The following RANBP17 variants were observed in gnomAD, a reference collection of about 807,000 sequenced individuals.
RANBP17 encodes the protein ran-binding protein 17.
A neutral mutation model predicts 141.2 loss-of-function variants in RANBP17; 158 were observed. The ratio of observed to expected loss-of-function variants is 1.12; its 90% confidence interval spans 0.98 to 1.28. The LOEUF (loss-of-function observed/expected upper bound fraction) is 1.28, where lower values mean the gene tolerates loss of function less well. RANBP17 is among the 50% of genes most tolerant of loss of function. The pLI, the probability that RANBP17 is intolerant of heterozygous loss-of-function variation, is 0.00. For missense variants in RANBP17, 1,438 were observed against 1,290.7 expected, an observed-to-expected ratio of 1.11 and a Z score of -1.75; for synonymous variants, 430 against 450.0, an observed-to-expected ratio of 0.96 and a Z score of 0.56.
chr5:170,874,895 G>A (rs1018323631), intron 1 of RANBP17, among the ~76,000 whole-genome samples: 6 of 152,146 alleles, frequency 3.9e-5, no homozygotes, highest in Non-Finnish European at 8.8e-5. Context: ...TATTTTGCCC[G>A]TTAGTTGATG....
chr5:170,911,962 G>A (rs889428161), intron 7 of RANBP17, among the ~76,000 whole-genome samples: 1 of 151,866 alleles, frequency 6.6e-6, no homozygotes, highest in African/African-American at 2.4e-5. Flanking sequence ...TCTACCACCT[G>A]TGCAGCTAGG....
intron 25 of RANBP17, among the ~76,000 whole-genome samples, chr5:171,283,330 G>A (rs950908897): frequency 6.6e-6 from 1 of 152,198 alleles, no homozygotes; most frequent in Non-Finnish European, 1.5e-5. Context: ...GTTTGACACA[G>A]AGCCTTGCCC....
intron 14 of RANBP17, among the ~76,000 whole-genome samples, chr5:171,120,068 G>A (rs947312890): frequency 6.6e-6 from 1 of 151,332 alleles, no homozygotes; most frequent in African/African-American, 2.4e-5. Flanking sequence ...TGAGAGAGAG[G>A]TACCACCTTG....
At chr5:171,251,541 GA>G (rs75734200) in intron 24 of RANBP17, among the ~76,000 whole-genome samples, 5,609 of 120,848 alleles carry the variant, frequency 0.046, 291 homozygotes, top group African/African-American at 0.13. Flanking sequence ...AATTATAGTG[GA>G]AAAAAAAAAA....
intron 14 of RANBP17, among the ~76,000 whole-genome samples, chr5:171,076,100 A>G (rs2127700710): frequency 6.6e-6 from 1 of 152,346 alleles, no homozygotes; most frequent in Middle Eastern, 3.4e-3. Flanking sequence ...ACTGCTTGTA[A>G]TGACAAAATA....
chr5:171,076,657 G>A (rs545578278), intron 14 of RANBP17, among the ~76,000 whole-genome samples: 19 of 152,276 alleles, frequency 1.2e-4, no homozygotes, highest in Middle Eastern at 6.8e-3. Flanking sequence ...AGGATAAGCT[G>A]AATCCAACTT....
chr5:171,103,990 A>G (rs1787369425), intron 14 of RANBP17, among the ~76,000 whole-genome samples: 2 of 152,148 alleles, frequency 1.3e-5, no homozygotes, highest in African/African-American at 2.4e-5. Flanking sequence ...AAATGCAGAA[A>G]TCACCTGCAT....
In RANBP17 at chr5:170,909,577, CCTT is replaced by C. The variant is rs1292008879; in HGVS notation, c.490-83_490-81del. ...ACTTGGGTTCTACTCAAGTTTATTT[CCTT>C]TTTTTTTTTTTTTTTTTTAGTAAAT... On this transcript the variant is annotated intron_variant, in intron 5 of 27. Coordinates refer to ENST00000523189, the MANE Select transcript of RANBP17 (RefSeq NM_022897.5). The C allele has an allele frequency of 2.4e-5, 13 of 550,826 alleles. No individual in the cohort carries two copies. In the African/African-American group the frequency reaches 3.5e-4, roughly 15 times the overall value. The allele number at this position is 550,826 out of a possible 1,614,324, so 34.1% of individuals were successfully genotyped here.
At chr5:171,129,968 A>G (rs1192112767) in intron 14 of RANBP17, among the ~76,000 whole-genome samples, 1 of 152,230 alleles carries the variant, frequency 6.6e-6, no homozygotes, top group Non-Finnish European at 1.5e-5. Flanking sequence ...TAATTTGTGC[A>G]ACGTGAGAAA....
chr5:171,179,148 G>T (rs576029388), intron 16 of RANBP17, among the ~76,000 whole-genome samples: 1 of 151,298 alleles, frequency 6.6e-6, no homozygotes, highest in South Asian at 2.1e-4. Context: ...GGGTTTTTAT[G>T]GTTTTAGGTC....
chr5:170,954,535 C>T (rs964560785), intron 13 of RANBP17, among the ~76,000 whole-genome samples: 17 of 151,410 alleles, frequency 1.1e-4, no homozygotes, highest in African/African-American at 4.1e-4. Context: ...CACACACACA[C>T]ACACACACAC....
chr5:170,953,544 G>C (rs1775367336), intron 12 of RANBP17, 53 bp from the exon 13 acceptor site: 1 of 1,196,494 alleles, frequency 8.4e-7, no homozygotes, highest in African/African-American at 1.5e-5. Flanking sequence ...CCCAAGATAA[G>C]CTACGTTTCT....
At chr5:170,949,205 A>G (rs546471412) in intron 12 of RANBP17, among the ~76,000 whole-genome samples, 19 of 152,280 alleles carry the variant, frequency 1.2e-4, no homozygotes, top group African/African-American at 4.3e-4. Flanking sequence ...AACAAATTAG[A>G]TAGACCAGAG....
At chr5:171,169,939 A>G (rs1206239130) in intron 14 of RANBP17, among the ~76,000 whole-genome samples, 191 bp from the exon 15 acceptor site, 1 of 152,090 alleles carries the variant, frequency 6.6e-6, no homozygotes, top group Non-Finnish European at 1.5e-5. Flanking sequence ...AATAGGAGCG[A>G]TCTGGAGGAA....
intron 14 of RANBP17, among the ~76,000 whole-genome samples, chr5:171,136,275 C>CGAAATT (rs1757272130): frequency 6.6e-6 from 1 of 151,958 alleles, no homozygotes; most frequent in South Asian, 2.1e-4. Flanking sequence ...AAGTGGGAAG[C>CGAAATT]GAAATTATTT....
At chr5:170,883,828 A>G (rs1049823446) in intron 3 of RANBP17, among the ~76,000 whole-genome samples, 3 of 152,158 alleles carry the variant, frequency 2.0e-5, no homozygotes, top group African/African-American at 4.8e-5. Context: ...TTGTCTGGGT[A>G]TACCGCAGTT....
intron 20 of RANBP17, among the ~76,000 whole-genome samples, 172 bp from the exon 21 acceptor site, chr5:171,213,459 G>A (rs1343924866): frequency 6.6e-6 from 1 of 152,110 alleles, no homozygotes; most frequent in East Asian, 1.9e-4. Flanking sequence ...TATCTGTGCA[G>A]GTTAGGGAGC....
chr5:170,952,414 A>T (rs75630908), intron 12 of RANBP17, among the ~76,000 whole-genome samples: 3,642 of 152,132 alleles, frequency 0.024, 134 homozygotes, highest in African/African-American at 0.083. Flanking sequence ...AGAATAAAGG[A>T]TGTGAATACT....
chr5:171,187,992 A>G (rs898968185), intron 18 of RANBP17, among the ~76,000 whole-genome samples: 8 of 152,230 alleles, frequency 5.3e-5, no homozygotes, highest in Non-Finnish European at 2.9e-5. Context: ...CATAAAAGGC[A>G]TTGAATTTTT....
Sources: gnomAD v4.1 joint callset for allele counts (sites outside exome capture counted in the v4.1 genomes callset) on GRCh38, gnomAD v4.1.1 for gene constraint, MANE v1.5 for transcripts, NCBI Gene and HGNC (gene_info 2026-07-23, HGNC 2026-07-21) for gene names.